Variants in STX8 observed in about 807,000 individuals in gnomAD.
STX8 encodes the protein syntaxin-8.
STX8 carries 23 observed loss-of-function variants against 37.5 expected under a neutral mutation model. That is an observed-to-expected ratio of 0.61 (90% CI 0.44 to 0.87). The LOEUF (loss-of-function observed/expected upper bound fraction) is 0.87. Ranked by LOEUF, STX8 falls within the 40% of genes least tolerant of loss-of-function variation. STX8 has a pLI of 0.00. For missense variants in STX8, 313 were observed against 284.7 expected (o/e 1.10, Z -0.71); for synonymous variants, 115 against 99.1 (o/e 1.16, Z -0.95).
chr17:9,474,145 A>AGGAGAGGGTGATACAT (rs570114908), intron 6 of STX8, among the ~76,000 whole-genome samples: 5 of 152,122 alleles, frequency 3.3e-5, no homozygotes, highest in East Asian at 1.9e-4. Flanking sequence ...TTGGGGGACA[A>AGGAGAGGGTGATACAT]GGAGAGGGTG....
intron 7 of STX8, among the ~76,000 whole-genome samples, chr17:9,354,010 A>C (rs1459990733): frequency 6.6e-6 from 1 of 152,150 alleles, no homozygotes; most frequent in Non-Finnish European, 1.5e-5. Flanking sequence ...CTTTTCACTT[A>C]TTTTGGCTGT....
intron 6 of STX8, among the ~76,000 whole-genome samples, chr17:9,489,427 G>T (rs542141135): frequency 3.0e-4 from 45 of 152,266 alleles, no homozygotes; most frequent in African/African-American, 9.6e-4. Flanking sequence ...CGTGCGGCTT[G>T]ATTGCCTTAT....
Position 9,357,314 on chromosome 17 carries a change from G to A in STX8, c.643+21238C>T, listed in dbSNP as rs965352058. ...GTTGTTTGCATTCTGTCTCCTCTGA[G>A]TGAAATACCTAGTATGGTTATTCTT... On this transcript the variant is annotated intron_variant, in intron 7 of 7. Coordinates refer to ENST00000306357, the MANE Select transcript of STX8 (RefSeq NM_004853.3). Among the ~76,000 whole-genome samples the A allele has an allele frequency of 1.2e-4, 18 of 152,056 alleles. 1 individual carries two copies. Among genetic ancestry groups the A allele is most frequent in the Non-Finnish European group, 7.4e-5 (5 of 68,022 alleles).
intron 1 of STX8, among the ~76,000 whole-genome samples, chr17:9,575,091 G>A (rs1392241974): frequency 6.6e-6 from 1 of 152,236 alleles, no homozygotes; most frequent in Non-Finnish European, 1.5e-5. Flanking sequence ...CGTTCCTTGG[G>A]ATCAAACAAT....
At chr17:9,427,954 C>A (rs1913700035) in intron 6 of STX8, among the ~76,000 whole-genome samples, 1 of 152,202 alleles carries the variant, frequency 6.6e-6, no homozygotes, top group Non-Finnish European at 1.5e-5. Flanking sequence ...CTGGATCAAT[C>A]TAACCTCCAG....
chr17:9,326,124 G>C (rs1909743988), intron 7 of STX8, among the ~76,000 whole-genome samples: 1 of 144,792 alleles, frequency 6.9e-6, no homozygotes, highest in Non-Finnish European at 1.5e-5. Flanking sequence ...GTTCTTCCCT[G>C]TTTCCTTTTT....
intron 7 of STX8, among the ~76,000 whole-genome samples, chr17:9,280,458 C>G (rs1907843049): frequency 1.3e-5 from 2 of 152,146 alleles, no homozygotes; most frequent in East Asian, 3.9e-4. Flanking sequence ...GAGGCTGAGA[C>G]AGGAGAATTA....
At chr17:9,343,821 T>C (rs1440669382) in intron 7 of STX8, among the ~76,000 whole-genome samples, 3 of 152,128 alleles carry the variant, frequency 2.0e-5, no homozygotes, top group African/African-American at 7.2e-5. Flanking sequence ...TCCACTCCTG[T>C]AGTGTTCTGG....
intron 7 of STX8, among the ~76,000 whole-genome samples, chr17:9,311,823 ATAAG>A (rs1362356496): frequency 6.6e-6 from 1 of 152,132 alleles, no homozygotes; most frequent in East Asian, 1.9e-4. Context: ...TAAGTACTTT[ATAAG>A]TGTTAGTGTT....
At chr17:9,339,628 C>T (rs2142229105) in intron 7 of STX8, among the ~76,000 whole-genome samples, 1 of 152,132 alleles carries the variant, frequency 6.6e-6, no homozygotes, top group Middle Eastern at 3.4e-3. Flanking sequence ...CGCCACTGTA[C>T]TCCAGCCTGG....
At chr17:9,416,075 C>T (rs182604665) in intron 6 of STX8, among the ~76,000 whole-genome samples, 30 of 152,330 alleles carry the variant, frequency 2.0e-4, no homozygotes, top group Admixed American at 1.1e-3. Context: ...TTCCCTATCT[C>T]CAAGTGTCTC....
intron 6 of STX8, among the ~76,000 whole-genome samples, chr17:9,402,128 A>ATT (rs1491460589): frequency 3.7e-5 from 5 of 136,658 alleles, no homozygotes; most frequent in African/African-American, 5.6e-5. Flanking sequence ...ATTTATTATT[A>ATT]TTTGTTTTTA....
At chr17:9,434,295 G>T (rs903809000) in intron 6 of STX8, among the ~76,000 whole-genome samples, 1 of 152,190 alleles carries the variant, frequency 6.6e-6, no homozygotes, top group Non-Finnish European at 1.5e-5. Flanking sequence ...GAGCCACTGC[G>T]CCCAGCCAGT....
chr17:9,264,806 GAAAGT>G (rs1162638512), intron 7 of STX8, among the ~76,000 whole-genome samples: 3 of 152,036 alleles, frequency 2.0e-5, no homozygotes, highest in Admixed American at 6.6e-5. Flanking sequence ...AGTAACTTCG[GAAAGT>G]AAAGAAGATG....
intron 3 of STX8, among the ~76,000 whole-genome samples, chr17:9,547,642 A>AAAAAAAAAAAAAAAG (rs10694244): frequency 8.6e-5 from 10 of 115,844 alleles, no homozygotes; most frequent in Non-Finnish European, 1.2e-4. Flanking sequence ...AAAAAAAAGA[A>AAAAAAAAAAAAAAAG]AAAAGAAAAG....
chr17:9,378,495 G>A lies in STX8; in HGVS notation c.643+57C>T, dbSNP rs532507654. On this transcript the variant is annotated intron_variant, in intron 7 of 7. Coordinates refer to ENST00000306357, the MANE Select transcript of STX8 (RefSeq NM_004853.3). ...TAATTAGACAAACAGGAAACTCAGA[G>A]CAGAGTAAATCCACAAGCTATGACA... The A allele has an allele frequency of 7.4e-4, 1,094 of 1,469,774 alleles. 5 individuals are homozygous for A. The highest frequency in any genetic ancestry group is 4.5e-3 in the South Asian group (398 of 88,012). The allele number at this position is 1,469,774 out of a possible 1,614,324, so 91.0% of individuals were successfully genotyped here. A position where few individuals can be genotyped will look rare whatever the true frequency, so the allele number is the denominator to read the frequency against.
intron 6 of STX8, among the ~76,000 whole-genome samples, chr17:9,475,967 T>TCAGGAGTTCGAGAC (rs1455272617): frequency 1.3e-5 from 2 of 152,088 alleles, no homozygotes; most frequent in African/African-American, 4.8e-5. Context: ...GATCACGAGG[T>TCAGGAGTTCGAGAC]CAGGAGTTCG....
chr17:9,339,966 TTCTC>T (rs1227539577), intron 7 of STX8, among the ~76,000 whole-genome samples: 14 of 152,350 alleles, frequency 9.2e-5, no homozygotes, highest in South Asian at 2.1e-4. Context: ...TGGTGTTTCT[TTCTC>T]TCTCCTGCTG....
chr17:9,419,968 T>C (rs1432862007), intron 6 of STX8, among the ~76,000 whole-genome samples: 1 of 152,248 alleles, frequency 6.6e-6, no homozygotes, highest in Non-Finnish European at 1.5e-5. Flanking sequence ...ACTAAACTAC[T>C]GTGGTTTATT....
Sources: allele counts gnomAD v4.1 joint callset (sites outside exome capture counted in the v4.1 genomes callset), GRCh38; gene constraint gnomAD v4.1.1; transcripts MANE v1.5; gene names NCBI Gene and HGNC (gene_info 2026-07-23, HGNC 2026-07-21).